Variants in UTRN observed in about 807,000 individuals in gnomAD.
UTRN encodes the protein utrophin.
In UTRN, 283 loss-of-function variants were observed where a neutral mutation model predicts 463.9. The observed-to-expected ratio is 0.61, with a 90% confidence interval of 0.55 to 0.67. The LOEUF (loss-of-function observed/expected upper bound fraction) is 0.67, where lower values mean the gene tolerates loss of function less well. Among genes scored for constraint, UTRN ranks in the 30% least tolerant of loss-of-function variants. The pLI is 0.00. For missense variants in UTRN, 3,922 were observed against 4,084.3 expected (o/e 0.96, Z 1.08); for synonymous variants, 1,442 against 1,431.5 (o/e 1.01, Z -0.17).
chr6:144,394,808 A>G (rs978363583), intron 2 of UTRN, among the ~76,000 whole-genome samples: 1 of 152,170 alleles, frequency 6.6e-6, no homozygotes, highest in Non-Finnish European at 1.5e-5. Context: ...CCCTCATAAC[A>G]TGAGGAAAAT....
At chr6:144,347,110 C>CTT (rs1777653618) in intron 2 of UTRN, among the ~76,000 whole-genome samples, 1 of 152,188 alleles carries the variant, frequency 6.6e-6, no homozygotes, top group East Asian at 1.9e-4. Context: ...CTCAGGAAAC[C>CTT]ACTCCTGGGA....
At chr6:144,668,525 A>G (rs556238420) in intron 51 of UTRN, among the ~76,000 whole-genome samples, 11 of 152,368 alleles carry the variant, frequency 7.2e-5, no homozygotes, top group African/African-American at 2.2e-4. Context: ...TGAGTAGCTT[A>G]TAAACCACAG....
At chr6:144,362,700 G>A (rs2114690043) in intron 2 of UTRN, among the ~76,000 whole-genome samples, 1 of 152,316 alleles carries the variant, frequency 6.6e-6, no homozygotes, top group South Asian at 2.1e-4. Flanking sequence ...ATCAACACCT[G>A]AATAGTTTTA....
chr6:144,458,675 T>C (rs1789112038), intron 19 of UTRN, 95 bp from the exon 20 acceptor site: 1 of 1,409,118 alleles, frequency 7.1e-7, no homozygotes, highest in Non-Finnish European at 9.4e-7. Context: ...ATGTGTGACA[T>C]TGCCTCACTA....
chr6:144,672,372 G>C (rs1332027013), intron 51 of UTRN, among the ~76,000 whole-genome samples: 1 of 151,296 alleles, frequency 6.6e-6, no homozygotes, highest in African/African-American at 2.4e-5. Flanking sequence ...CTTTCTTCCT[G>C]GTTTAATTTA....
intron 23 of UTRN, among the ~76,000 whole-genome samples, chr6:144,464,205 G>A (rs1378100787): frequency 1.3e-5 from 2 of 152,174 alleles, no homozygotes; most frequent in Admixed American, 6.5e-5. Flanking sequence ...TGGTAGAAGA[G>A]GAGCTGGAAG....
intron 52 of UTRN, among the ~76,000 whole-genome samples, chr6:144,681,106 A>G (rs1782152372): frequency 6.6e-6 from 1 of 152,154 alleles, no homozygotes; most frequent in African/African-American, 2.4e-5. Context: ...TTCGGCATCT[A>G]GGAAAGGGAA....
At chr6:144,727,322 C>T (rs749971298) in intron 53 of UTRN, among the ~76,000 whole-genome samples, 2 of 152,200 alleles carry the variant, frequency 1.3e-5, no homozygotes, top group African/African-American at 2.4e-5. Flanking sequence ...AATTCTTCCT[C>T]CTATTTGATA....
chr6:144,842,199 A>T (rs184143999), intron 73 of UTRN, among the ~76,000 whole-genome samples: 354 of 151,128 alleles, frequency 2.3e-3, no homozygotes, highest in Non-Finnish European at 4.1e-3. Context: ...AGATATATTG[A>T]CTTCATTTAA....
intron 52 of UTRN, among the ~76,000 whole-genome samples, chr6:144,688,788 T>C (rs1049853577): frequency 3.9e-5 from 6 of 152,154 alleles, no homozygotes; most frequent in African/African-American, 1.2e-4. Flanking sequence ...CATTCCCCAG[T>C]GGTGTGCACT....
intron 46 of UTRN, among the ~76,000 whole-genome samples, chr6:144,546,263 A>C (rs2128609352): frequency 6.6e-6 from 1 of 152,278 alleles, no homozygotes; most frequent in African/African-American, 2.4e-5. Context: ...GTTTACACTG[A>C]CACTGGCTGT....
intron 58 of UTRN, among the ~76,000 whole-genome samples, chr6:144,770,134 G>A (rs182738582): frequency 1.4e-4 from 21 of 152,270 alleles, no homozygotes; most frequent in African/African-American, 4.6e-4. Context: ...AGAGGAGCCC[G>A]ACAACTTTCC....
chr6:144,528,172 G>A (rs1796731046), intron 41 of UTRN, among the ~76,000 whole-genome samples: 1 of 151,868 alleles, frequency 6.6e-6, no homozygotes, highest in Admixed American at 6.6e-5. Context: ...GAGTAGCTGG[G>A]ATTCCAGACA....
chr6:144,435,091 A>T (rs1786406423), intron 9 of UTRN, among the ~76,000 whole-genome samples: 2 of 152,178 alleles, frequency 1.3e-5, no homozygotes, highest in Non-Finnish European at 2.9e-5. Context: ...AGTTAAAGGG[A>T]ATGTTAACAA....
intron 2 of UTRN, among the ~76,000 whole-genome samples, chr6:144,374,525 C>A (rs188826691): frequency 5.1e-4 from 77 of 151,568 alleles, no homozygotes; most frequent in African/African-American, 1.8e-3. Context: ...CACTCTGTCA[C>A]CAGGCTGGAG....
intron 51 of UTRN, among the ~76,000 whole-genome samples, chr6:144,616,689 T>G (rs1425731854): frequency 6.6e-6 from 1 of 152,190 alleles, no homozygotes; most frequent in Non-Finnish European, 1.5e-5. Context: ...CCTCTAAAAA[T>G]ACCCAGAATG....
At chr6:144,525,885 T>A (rs893016720) in intron 41 of UTRN, among the ~76,000 whole-genome samples, 2 of 152,192 alleles carry the variant, frequency 1.3e-5, no homozygotes, top group African/African-American at 2.4e-5. Context: ...GTTGCGTCAC[T>A]ATTATCGTTC....
chr6:144,587,542 A>C (rs1269824324), intron 51 of UTRN, among the ~76,000 whole-genome samples: 2 of 152,206 alleles, frequency 1.3e-5, no homozygotes, highest in Non-Finnish European at 2.9e-5. Flanking sequence ...TTTCATCTAC[A>C]TGTACAGCTC....
intron 65 of UTRN, among the ~76,000 whole-genome samples, chr6:144,808,681 C>A (rs372516882): frequency 6.6e-6 from 1 of 152,062 alleles, no homozygotes; most frequent in African/African-American, 2.4e-5. Context: ...CCTCCACCCC[C>A]CAGCCCCTGG....
Sources: gnomAD v4.1 joint callset for allele counts (sites outside exome capture counted in the v4.1 genomes callset) on GRCh38, gnomAD v4.1.1 for gene constraint, MANE v1.5 for transcripts, NCBI Gene and HGNC (gene_info 2026-07-23, HGNC 2026-07-21) for gene names.